The following GAS2 variants were observed in gnomAD, a reference collection of about 807,000 sequenced individuals.
GAS2 encodes growth arrest-specific protein 2.
Under a neutral mutation model 37.5 loss-of-function variants are expected in GAS2, and 20 were observed. That is an observed-to-expected ratio of 0.53 (90% confidence interval 0.37 to 0.77). The LOEUF (loss-of-function observed/expected upper bound fraction) is 0.77, where lower values mean the gene tolerates loss of function less well. GAS2 is among the 30% of genes least tolerant of loss of function. The probability of loss-of-function intolerance (pLI) is 0.00; values close to 1 mark genes in which losing one functional copy is unlikely to be tolerated. For synonymous variants in GAS2, 144 were observed against 132.2 expected, an observed-to-expected ratio of 1.09 and a Z score of -0.61; for missense variants, 336 against 373.4, an observed-to-expected ratio of 0.90 and a Z score of 0.82.
upstream of GAS2, among the ~76,000 whole-genome samples, chr11:22,665,716 C>T (rs1296510526): frequency 1.3e-5 from 2 of 152,174 alleles, no homozygotes; most frequent in African/African-American, 2.4e-5. Flanking sequence ...AAGCAAATAA[C>T]TGATGCAGTT....
At position 22,746,587 on chromosome 11, in the gene GAS2, A is replaced by C. The variant is rs1313094828; in HGVS notation, c.474-2533A>C. Among the ~76,000 whole-genome samples the C allele has an allele frequency of 1.3e-5, 2 of 152,184 alleles. 1 individual carries two copies. Among genetic ancestry groups the C allele is most frequent in the African/African-American group, 4.8e-5 (2 of 41,452 alleles). ...CAGCTGAAGGCCATTATCTTAAGCA[A>C]ATTAACACAGAAACAGAAAACCCAA... is the stretch of plus-strand genomic sequence containing the variant. On this transcript the variant is annotated intron_variant, in intron 5 of 7. Transcript: ENST00000454584.
At chr11:22,805,459 A>G (rs1052263695) in intron 7 of GAS2, among the ~76,000 whole-genome samples, 2 of 152,106 alleles carry the variant, frequency 1.3e-5, no homozygotes, top group Non-Finnish European at 2.9e-5. Flanking sequence ...GCAGTACAAC[A>G]AATCTTTTGA....
intron 5 of GAS2, among the ~76,000 whole-genome samples, chr11:22,740,555 T>C (rs901416297): frequency 2.6e-5 from 4 of 152,198 alleles, no homozygotes; most frequent in African/African-American, 7.2e-5. Context: ...GTAGGATAGA[T>C]TGAACATTTA....
At chr11:22,654,092 A>G (rs898939476) in intron 1 of GAS2, among the ~76,000 whole-genome samples, 3 of 152,222 alleles carry the variant, frequency 2.0e-5, no homozygotes, top group African/African-American at 7.2e-5. Context: ...GACTAGATAT[A>G]AACTAAACCC....
At chr11:22,694,023 G>A (rs1166888699) in intron 3 of GAS2, among the ~76,000 whole-genome samples, 1 of 152,164 alleles carries the variant, frequency 6.6e-6, no homozygotes, top group Admixed American at 6.5e-5. Context: ...AGGGTAGCGG[G>A]AAGGAGGAGG....
rs754689232 is a variant in GAS2, at chr11:22,674,916, C to T, written c.47C>T (p.Ser16Phe). The change falls in exon 2 of 8, where the codon TCT becomes TTT. Residue 16 changes from serine to phenylalanine, a missense_variant. Transcript: ENST00000454584. ...SPKVRSGPGL[S>F]DMHQYSQWLA... is the part of the protein sequence containing the mutation. ...AAGGTACGCAGTGGACCTGGCCTCTCTGATATGCATCAGTATAGCCAATGG... is the reference window on the plus strand; with the variant it reads ...AAGGTACGCAGTGGACCTGGCCTCTTTGATATGCATCAGTATAGCCAATGG... The T allele has an allele frequency of 6.2e-7, 1 of 1,613,710 alleles. No individual in the cohort carries two copies. The highest frequency in any genetic ancestry group is 1.7e-5 in the Admixed American group (1 of 59,948).
intron 2 of GAS2, among the ~76,000 whole-genome samples, chr11:22,685,380 A>G (rs1849891192): frequency 6.6e-6 from 1 of 152,170 alleles, no homozygotes; most frequent in Admixed American, 6.5e-5. Flanking sequence ...CCCCTTGATT[A>G]CTAAATGATG....
At chr11:22,722,971 G>A (rs142462846) in intron 3 of GAS2, among the ~76,000 whole-genome samples, 314 of 151,750 alleles carry the variant, frequency 2.1e-3, no homozygotes, top group African/African-American at 6.8e-3. Context: ...AACATATCAG[G>A]TGAGCTATTG....
chr11:22,763,050 A>AATAT (rs1367163061), intron 7 of GAS2, among the ~76,000 whole-genome samples: 1 of 152,200 alleles, frequency 6.6e-6, no homozygotes, highest in East Asian at 1.9e-4. Flanking sequence ...TAGTTTAAGA[A>AATAT]ATATGAGTAC....
intron 3 of GAS2, among the ~76,000 whole-genome samples, chr11:22,718,824 T>C (rs1269081049): frequency 2.0e-5 from 3 of 152,102 alleles, no homozygotes; most frequent in Non-Finnish European, 4.4e-5. Context: ...AGTCTGTTCA[T>C]ATGCAAACGA....
intron 1 of GAS2, among the ~76,000 whole-genome samples, chr11:22,648,485 A>G (rs1291890650): frequency 2.0e-5 from 3 of 152,022 alleles, no homozygotes; most frequent in Non-Finnish European, 4.4e-5. Flanking sequence ...CTTGATGGGG[A>G]TGGCATTGAA....
rs1265100474 is a variant in GAS2 at position 22,697,990 on chromosome 11, G to C, written c.267+12201G>C. Among the ~76,000 whole-genome samples, 4 of 152,280 alleles carry C rather than the reference G, an allele frequency of 2.6e-5. No individual in the cohort carries two copies. The East Asian group carries it at 7.7e-4, about 29-fold the overall frequency. Reference sequence around the variant, plus strand: ...GAACTTCCAACACTGTGTTGAATAGGAGTGGTGAGAGAGGGCATCCCTGTC... The same window carrying C: ...GAACTTCCAACACTGTGTTGAATAGCAGTGGTGAGAGAGGGCATCCCTGTC... On this transcript the variant is annotated intron_variant, in intron 3 of 7. Transcript: ENST00000454584.
At chr11:22,762,251 G>A (rs1270805712) in intron 7 of GAS2, among the ~76,000 whole-genome samples, 1 of 152,098 alleles carries the variant, frequency 6.6e-6, no homozygotes, top group Non-Finnish European at 1.5e-5. Context: ...GGACATGACT[G>A]GAAAACCTTT....
intron 3 of GAS2, among the ~76,000 whole-genome samples, chr11:22,723,252 G>T (rs563113571): frequency 2.0e-5 from 3 of 151,960 alleles, no homozygotes; most frequent in South Asian, 4.2e-4. Context: ...CTACACTGGG[G>T]ATTCTCAAGT....
At chr11:22,775,793 T>G (rs1855227947) in intron 7 of GAS2, among the ~76,000 whole-genome samples, 5 of 152,196 alleles carry the variant, frequency 3.3e-5, no homozygotes, top group Admixed American at 3.3e-4. Context: ...GCTCTTATTC[T>G]CCAGATGTTA....
intron 7 of GAS2, among the ~76,000 whole-genome samples, chr11:22,764,203 CA>C (rs1177698475): frequency 1.3e-5 from 2 of 151,924 alleles, no homozygotes; most frequent in African/African-American, 2.4e-5. Context: ...TTTAAAAATT[CA>C]AAACAAACTG....
At chr11:22,650,522 A>G (rs1327859744) in intron 1 of GAS2, among the ~76,000 whole-genome samples, 59 of 150,094 alleles carry the variant, frequency 3.9e-4, no homozygotes, top group African/African-American at 1.4e-3. Flanking sequence ...GTGGGGTGTT[A>G]AAGTCTCCCA....
At chr11:22,778,170 T>A (rs1232044804) in intron 7 of GAS2, among the ~76,000 whole-genome samples, 1 of 152,350 alleles carries the variant, frequency 6.6e-6, no homozygotes, top group Admixed American at 6.5e-5. Context: ...TCAGGTCAAA[T>A]GATTCTGCTG....
At chr11:22,728,354 A>G (rs926287548) in intron 4 of GAS2, among the ~76,000 whole-genome samples, 7 of 151,956 alleles carry the variant, frequency 4.6e-5, no homozygotes, top group African/African-American at 1.7e-4. Context: ...CCCCATCCAA[A>G]TAATACTACA....
Sources: allele counts gnomAD v4.1 joint callset (sites outside exome capture counted in the v4.1 genomes callset), GRCh38; gene constraint gnomAD v4.1.1; transcripts MANE v1.5; gene names NCBI Gene and HGNC (gene_info 2026-07-23, HGNC 2026-07-21).